Variants in SUPT20H observed in about 807,000 individuals in gnomAD.
SUPT20H encodes the protein SPT20 homolog, SAGA complex component.
A neutral mutation model predicts 122.8 loss-of-function variants in SUPT20H; 82 were observed. The observed-to-expected ratio is 0.67, with a 90% CI of 0.56 to 0.80. The LOEUF (loss-of-function observed/expected upper bound fraction) is 0.80. Ranked by LOEUF, SUPT20H falls within the 30% of genes least tolerant of loss-of-function variation. The pLI, the probability that SUPT20H is intolerant of heterozygous loss-of-function variation, is 0.00. For missense variants in SUPT20H, 831 were observed against 921.6 expected (o/e 0.90, Z 1.27); for synonymous variants, 291 against 313.0 (o/e 0.93, Z 0.74).
intron 1 of SUPT20H, among the ~76,000 whole-genome samples, chr13:37,056,418 T>C (rs558180319): frequency 4.6e-4 from 70 of 152,274 alleles, no homozygotes; most frequent in African/African-American, 1.5e-3. Context: ...ATATACACCA[T>C]GGAATACTAT....
At chr13:37,057,524 T>TAAAA (rs35735192) in intron 1 of SUPT20H, among the ~76,000 whole-genome samples, 3 of 108,468 alleles carry the variant, frequency 2.8e-5, no homozygotes, top group African/African-American at 1.1e-4. Context: ...GCCAAGCCAT[T>TAAAA]AAAAAAAAAA....
Position 37,033,578 on chromosome 13 carries a change from A to T in SUPT20H, c.578T>A (p.Leu193His), listed in dbSNP as rs771712995. 16 of 1,613,144 alleles carry T rather than the reference A, an allele frequency of 9.9e-6. No individual in the cohort carries two copies. Among genetic ancestry groups the T allele is most frequent in the Middle Eastern group, 1.7e-4 (1 of 6,060 alleles). The stretch of plus-strand genomic sequence containing the variant: ...TAGGATGAGCTGGCTCTCAAGCAAA[A>T]GTTTGTCTTCCTGAAATGTGTAAGA... ...DNHKWTQEDK[L>H]LLESQLILAT... Residue 193 changes from leucine (L) to histidine (H), a missense_variant, in exon 10 of 26, where the codon CTT (leucine) becomes CAT (histidine). Physicochemically the swap from Leu to His is moderately conservative, Grantham distance 99 (BLOSUM62 -3). Coordinates refer to ENST00000350612, the MANE Select transcript of SUPT20H (RefSeq NM_001014286.3).
chr13:37,050,626 T>C (rs1282930078), intron 2 of SUPT20H, among the ~76,000 whole-genome samples: 5 of 152,210 alleles, frequency 3.3e-5, no homozygotes, highest in Non-Finnish European at 7.3e-5. Flanking sequence ...TTTCATCTTC[T>C]GAAATTAAAA....
At chr13:37,044,947 C>CA (rs2066148198) in intron 6 of SUPT20H, among the ~76,000 whole-genome samples, 2 of 147,192 alleles carry the variant, frequency 1.4e-5, no homozygotes, top group South Asian at 2.2e-4. Flanking sequence ...TATAATTTTC[C>CA]TTTTTTTTTT....
chr13:37,045,067 T>C (rs1462849578), intron 6 of SUPT20H, among the ~76,000 whole-genome samples, 180 bp downstream of exon 6: 1 of 152,152 alleles, frequency 6.6e-6, no homozygotes, highest in East Asian at 1.9e-4. Flanking sequence ...AGAGATAATT[T>C]CTAATATTCT....
intron 24 of SUPT20H, 56 bp from the exon 25 acceptor site, chr13:37,010,711 G>A (rs2059451479): frequency 1.6e-6 from 2 of 1,241,848 alleles, no homozygotes; most frequent in Admixed American, 1.9e-5. Flanking sequence ...GGCTACCAGG[G>A]TTAGAAAAGG....
rs897921777 is a variant in SUPT20H at position 37,048,017 on chromosome 13, C to T, written c.40-81G>A. 9.8e-6 allele frequency: 10 copies of T among 1,023,082 alleles called. No individual in the cohort carries two copies. The African/African-American group carries it at 1.2e-4, about 12-fold the overall frequency. 63.4% of individuals were successfully genotyped at this position (1,023,082 alleles called of 1,614,324 possible). On this transcript the variant is annotated intron_variant, in intron 3 of 25. Transcript: ENST00000350612. ...CTGTATTGAGTATATCTAAAACATA[C>T]GTAAGGCTAAAAAGGCTATTCACTT... is the stretch of plus-strand genomic sequence containing the variant.
intron 22 of SUPT20H, among the ~76,000 whole-genome samples, chr13:37,018,110 CAAAAAAATAATAATAAA>C (rs2060839722): frequency 6.6e-6 from 1 of 150,762 alleles, no homozygotes; most frequent in South Asian, 2.1e-4. Flanking sequence ...TCTGTATAGT[CAAAAAAATAATAATAAA>C]AAAAAAATAA....
intron 12 of SUPT20H, 70 bp from the exon 13 acceptor site, chr13:37,029,906 G>T: frequency 8.1e-7 from 1 of 1,235,566 alleles, no homozygotes; most frequent in East Asian, 2.6e-5. Context: ...TCAGTATTCT[G>T]ATCAAAGAGA....
At chr13:37,029,909 CA>C in intron 12 of SUPT20H, 73 bp from the exon 13 acceptor site, 1 of 1,211,838 alleles carries the variant, frequency 8.3e-7, no homozygotes. Flanking sequence ...GTATTCTGAT[CA>C]AAGAGAAGAA....
intron 23 of SUPT20H, chr13:37,013,887 C>A (rs1032286126): frequency 6.6e-6 from 1 of 152,020 alleles, no homozygotes; most frequent in African/African-American, 2.4e-5. Context: ...CACATCACCA[C>A]CATAACGGAG....
intron 19 of SUPT20H, among the ~76,000 whole-genome samples, chr13:37,023,352 T>C (rs2061675083): frequency 6.6e-6 from 1 of 152,122 alleles, no homozygotes; most frequent in African/African-American, 2.4e-5. Flanking sequence ...GGAATGACTT[T>C]TTTCCCCAAA....
chr13:37,025,500 A>C, intron 16 of SUPT20H, 63 bp from the exon 17 acceptor site: 2 of 1,117,232 alleles, frequency 1.8e-6, no homozygotes, highest in Non-Finnish European at 1.3e-6. Context: ...AATTTATTTT[A>C]TAGGAAAGAA....
In SUPT20H at chr13:37,009,522, TA is replaced by T; in HGVS notation, c.*149del. The T allele has an allele frequency of 9.7e-7, 1 of 1,033,016 alleles. No individual in the cohort carries two copies. The highest frequency in any genetic ancestry group is 1.4e-6 in the Non-Finnish European group (1 of 693,422). 64.0% of individuals were successfully genotyped at this position (1,033,016 alleles called of 1,614,324 possible). ...GTTAAACCATTTCCCTGTTTTTATT[TA>T]AAAATGATAAGGTTGTGCTTCTGTA... On this transcript the variant is annotated 3_prime_UTR_variant, in exon 26 of 26. Transcript: ENST00000350612.
At chr13:37,042,157 T>C (rs1837802093) in intron 7 of SUPT20H, among the ~76,000 whole-genome samples, 1 of 152,206 alleles carries the variant, frequency 6.6e-6, no homozygotes, top group South Asian at 2.1e-4. Context: ...ATCATGTATC[T>C]TAAAGAGAGA....
chr13:37,056,138 G>C (rs2139468835), intron 1 of SUPT20H, among the ~76,000 whole-genome samples: 1 of 152,334 alleles, frequency 6.6e-6, no homozygotes, highest in South Asian at 2.1e-4. Context: ...AGGATGTGGA[G>C]AAATAGGAAC....
At chr13:37,043,200 A>G (rs2065806051) in intron 7 of SUPT20H, among the ~76,000 whole-genome samples, 1 of 152,234 alleles carries the variant, frequency 6.6e-6, no homozygotes, top group Non-Finnish European at 1.5e-5. Flanking sequence ...GGATGTCTAT[A>G]AACAGTATAC....
chr13:37,044,905 A>T (rs926886406), intron 6 of SUPT20H, among the ~76,000 whole-genome samples: 4 of 152,152 alleles, frequency 2.6e-5, no homozygotes, highest in Non-Finnish European at 4.4e-5. Context: ...ATGAAAGGAA[A>T]TTCTATTTTA....
intron 23 of SUPT20H, among the ~76,000 whole-genome samples, chr13:37,016,710 AT>A (rs2060568763): frequency 6.6e-6 from 1 of 152,182 alleles, no homozygotes; most frequent in South Asian, 2.1e-4. Context: ...AGGAATCAAT[AT>A]TTTTTTAATT....
Sources: gnomAD v4.1 joint callset for allele counts (sites outside exome capture counted in the v4.1 genomes callset) on GRCh38, gnomAD v4.1.1 for gene constraint, MANE v1.5 for transcripts, NCBI Gene and HGNC (gene_info 2026-07-23, HGNC 2026-07-21) for gene names.